Variants in CELF2 observed in about 807,000 individuals in gnomAD.
CELF2 encodes CUGBP Elav-like family member 2, also known as CUG triplet repeat RNA-binding protein 2.
A neutral mutation model predicts 62.6 loss-of-function variants in CELF2; 8 were observed. That is an observed-to-expected ratio of 0.13 (90% CI 0.07 to 0.23). The LOEUF (loss-of-function observed/expected upper bound fraction) is 0.23, where lower values mean the gene tolerates loss of function less well. CELF2 is among the 10% of genes least tolerant of loss of function. CELF2 has a pLI of 1.00. For synonymous variants in CELF2, 258 were observed against 250.0 expected, an observed-to-expected ratio of 1.03 and a Z score of -0.30; for missense variants, 333 against 671.0, an observed-to-expected ratio of 0.50 and a Z score of 5.56.
the CELF2 span, among the ~76,000 whole-genome samples, chr10:10,669,920 G>C: frequency 2.1e-5 from 1 of 47,124 alleles, no homozygotes; most frequent in African/African-American, 8.2e-5. Flanking sequence ...TTTTTTTTTT[G>C]AGACGGAGTT....
At chr10:11,124,537 T>A (rs551565489) in intron 1 of CELF2, among the ~76,000 whole-genome samples, 9 of 152,326 alleles carry the variant, frequency 5.9e-5, no homozygotes, top group African/African-American at 2.2e-4. Context: ...AAATGTAACA[T>A]GAAATGGCAA....
chr10:10,853,651 G>C (rs971002252), intron 1 of CELF2, among the ~76,000 whole-genome samples: 1 of 151,036 alleles, frequency 6.6e-6, no homozygotes, highest in East Asian at 1.9e-4. Flanking sequence ...AAAAAAAAAA[G>C]CCCCCTTATT....
the CELF2 span, among the ~76,000 whole-genome samples, chr10:10,506,308 G>GTA: frequency 2.5e-4 from 35 of 142,304 alleles, no homozygotes; most frequent in Middle Eastern, 3.6e-3. Context: ...GTGTATCTGT[G>GTA]TCTGTGTCTA....
rs1298908039 is a variant in CELF2 at position 11,226,600 on chromosome 10, C to CCACACAAACACA, written c.354+9099_354+9100insAACACACACACA. Among the ~76,000 whole-genome samples the CCACACAAACACA allele has an allele frequency of 5.2e-3, 135 of 25,960 alleles. 1 individual carries two copies. The highest frequency in any genetic ancestry group is 7.3e-3 in the African/African-American group (123 of 16,780). The allele number at this position is 25,960 out of a possible 152,430, so 17.0% of individuals were successfully genotyped here. ...TAGAAGTCAGCTGGGCAGGCAGTGG[C>CCACACAAACACA]CACACACACACACACACACACACAC... On this transcript the variant is annotated intron_variant, in intron 3 of 12. Coordinates refer to ENST00000633077, the MANE Select transcript of CELF2 (RefSeq NM_001326342.2).
chr10:10,631,214 C>T, the CELF2 span, among the ~76,000 whole-genome samples: 18 of 152,282 alleles, frequency 1.2e-4, no homozygotes, highest in South Asian at 3.5e-3. Context: ...AGACACCTTT[C>T]CTCATTAGAA....
chr10:11,246,668 C>T lies in CELF2; in HGVS notation c.355-2485C>T, dbSNP rs565467224. ...GCTCCCATGGGACCAGTTGCTCCTG[C>T]AGCTCCTCCTGCCCCTCACTCTGCT... is the stretch of plus-strand genomic sequence containing the variant. On this transcript the variant is annotated intron_variant, in intron 3 of 12. Transcript: ENST00000633077. This position sits in a 1 kb window ranked among gnomAD's most constrained non-coding sequence, Gnocchi z 4.6. Among the ~76,000 whole-genome samples the T allele has an allele frequency of 1.9e-3, 292 of 152,318 alleles. 1 individual carries two copies. The highest frequency in any genetic ancestry group is 3.5e-3 in the Non-Finnish European group (237 of 68,030).
chr10:11,121,704 G>GT (rs200634842), intron 1 of CELF2, among the ~76,000 whole-genome samples: 218 of 132,316 alleles, frequency 1.6e-3, no homozygotes, highest in African/African-American at 4.0e-3. Context: ...TATTTTTTTT[G>GT]TTTTTTTTAC....
intron 1 of CELF2, among the ~76,000 whole-genome samples, chr10:11,072,912 A>G (rs1157945746): frequency 6.6e-6 from 1 of 152,006 alleles, no homozygotes; most frequent in Non-Finnish European, 1.5e-5. Flanking sequence ...AAACATAGAA[A>G]ACATTTTTAA....
chr10:10,546,723 A>C, the CELF2 span, among the ~76,000 whole-genome samples: 2 of 152,164 alleles, frequency 1.3e-5, no homozygotes, highest in Non-Finnish European at 2.9e-5. Context: ...GGGATACTTG[A>C]AACGATTCTC....
chr10:10,748,451 C>G, the CELF2 span, among the ~76,000 whole-genome samples: 1 of 152,056 alleles, frequency 6.6e-6, no homozygotes, highest in Non-Finnish European at 1.5e-5. Flanking sequence ...AGTATATATT[C>G]AAGAATTCTC....
chr10:11,254,230 G>A (rs754804159), intron 4 of CELF2, among the ~76,000 whole-genome samples: 3 of 152,330 alleles, frequency 2.0e-5, no homozygotes, highest in East Asian at 3.8e-4. Flanking sequence ...GAAGAAAGCC[G>A]GGTGTGTTCA....
chr10:10,643,627 C>T, the CELF2 span, among the ~76,000 whole-genome samples: 2 of 152,132 alleles, frequency 1.3e-5, no homozygotes, highest in African/African-American at 4.8e-5. Context: ...AGGTTTAGAT[C>T]TGATTCTTTA....
At chr10:10,742,423 G>A in the CELF2 span, among the ~76,000 whole-genome samples, 1 of 151,926 alleles carries the variant, frequency 6.6e-6, no homozygotes, top group African/African-American at 2.4e-5. Context: ...GAGCTCAGGG[G>A]TTCAAGAACA....
At chr10:10,497,343 A>G in the CELF2 span, among the ~76,000 whole-genome samples, 2 of 152,190 alleles carry the variant, frequency 1.3e-5, no homozygotes, top group Non-Finnish European at 2.9e-5. Flanking sequence ...GGAGGAGAGA[A>G]TCATGCATTC....
intron 7 of CELF2, among the ~76,000 whole-genome samples, chr10:11,274,231 T>C (rs539477160): frequency 6.6e-6 from 1 of 152,186 alleles, no homozygotes; most frequent in Non-Finnish European, 1.5e-5. Context: ...AGAAGATCCA[T>C]AAGTTCAGCC....
intron 2 of CELF2, among the ~76,000 whole-genome samples, chr10:10,977,016 T>C (rs1158617685): frequency 6.6e-6 from 1 of 152,216 alleles, no homozygotes; most frequent in Admixed American, 6.5e-5. Context: ...AAAGAAATTC[T>C]GACACCTAAA....
At chr10:11,061,682 C>T (rs1208612642) in intron 1 of CELF2, among the ~76,000 whole-genome samples, 1 of 152,220 alleles carries the variant, frequency 6.6e-6, no homozygotes, top group African/African-American at 2.4e-5. Flanking sequence ...TAAGCCATTA[C>T]TCATTTACTA....
the CELF2 span, among the ~76,000 whole-genome samples, chr10:10,687,733 TAA>T: frequency 1.2e-4 from 18 of 152,230 alleles, no homozygotes; most frequent in Admixed American, 1.2e-3. Context: ...TAATGCTGTC[TAA>T]AAGACCTCAA....
chr10:11,031,639 C>T lies in CELF2; in HGVS notation c.74+13476C>T, dbSNP rs554307724. 8.0e-4 allele frequency among the ~76,000 whole-genome samples: 122 copies of T among 152,270 alleles called. 2 individuals are homozygous for T. The highest frequency in any genetic ancestry group is 1.5e-3 in the Non-Finnish European group (103 of 68,022). ...ATGTGATTTGAGTGGAGTTTTCATGCCCTGTGTGCTTATTGTATTCTTGCT... is the reference window on the plus strand; with the variant it reads ...ATGTGATTTGAGTGGAGTTTTCATGTCCTGTGTGCTTATTGTATTCTTGCT... On this transcript the variant is annotated intron_variant, in intron 1 of 12. Transcript: ENST00000633077.
Sources: allele counts gnomAD v4.1 joint callset (sites outside exome capture counted in the v4.1 genomes callset), GRCh38; gene constraint gnomAD v4.1.1; non-coding constraint Gnocchi (gnomAD v3.1); transcripts MANE v1.5; gene names NCBI Gene and HGNC (gene_info 2026-07-23, HGNC 2026-07-21).